Variants in STARD13 observed in about 807,000 individuals in gnomAD.
The protein encoded by STARD13 is stAR-related lipid transfer protein 13.
STARD13 carries 62 observed loss-of-function variants against 106.4 expected under a neutral mutation model. That is an observed-to-expected ratio of 0.58 (90% CI 0.48 to 0.72). The LOEUF is 0.72. STARD13 is among the 30% of genes least tolerant of loss of function. The pLI, the probability that STARD13 is intolerant of heterozygous loss-of-function variation, is 0.00. For synonymous variants in STARD13, 565 were observed against 553.0 expected (o/e 1.02, Z -0.31); for missense variants, 1,387 against 1,424.0 (o/e 0.97, Z 0.42).
At chr13:33,503,282 A>G in the STARD13 span, among the ~76,000 whole-genome samples, 1 of 151,400 alleles carries the variant, frequency 6.6e-6, no homozygotes, top group Non-Finnish European at 1.5e-5. Flanking sequence ...TTTCTTCTTT[A>G]TTAGTCTTGC....
the STARD13 span, among the ~76,000 whole-genome samples, chr13:33,411,617 T>A: frequency 6.6e-6 from 1 of 151,406 alleles, no homozygotes. Context: ...TAGAAAGAAG[T>A]AGGTTTATTT....
At chr13:33,586,454 T>C in the STARD13 span, among the ~76,000 whole-genome samples, 6 of 152,324 alleles carry the variant, frequency 3.9e-5, no homozygotes, top group Admixed American at 3.3e-4. Flanking sequence ...GTTGACATTC[T>C]TGATACATGG....
At chr13:33,290,194 C>G (rs988658281), upstream of STARD13, among the ~76,000 whole-genome samples, 1 of 152,180 alleles carries the variant, frequency 6.6e-6, no homozygotes, top group African/African-American at 2.4e-5. Context: ...CTCCTTCACA[C>G]ACATTCCAGC....
the STARD13 span, among the ~76,000 whole-genome samples, chr13:33,641,712 C>A: frequency 6.6e-6 from 1 of 152,140 alleles, no homozygotes; most frequent in Non-Finnish European, 1.5e-5. Flanking sequence ...TGTTTTCTCT[C>A]ATTTAATTTC....
the STARD13 span, among the ~76,000 whole-genome samples, chr13:33,631,146 A>G: frequency 6.6e-6 from 1 of 151,596 alleles, no homozygotes; most frequent in Non-Finnish European, 1.5e-5. Flanking sequence ...ATGAGCTTAC[A>G]ACAAGACTCA....
chr13:33,223,178 A>C (rs1888445375), intron 1 of STARD13, among the ~76,000 whole-genome samples: 1 of 152,202 alleles, frequency 6.6e-6, no homozygotes, highest in African/African-American at 2.4e-5. Flanking sequence ...GAGTCTGGAG[A>C]AAGATGTTAA....
rs1200898137 is a variant in STARD13, at chr13:33,106,851, C to A, written c.3131G>T (p.Gly1044Val). Reference protein sequence around the residue: ...VEHEEAQLLGGVRAVVMDSQY... With the variant: ...VEHEEAQLLGVVRAVVMDSQY... ...CGAGTCCATCACCACTGCTCGCACACCACCCAGGAGCTGGGCTTCCTCATG... is the reference window on the plus strand; with the variant it reads ...CGAGTCCATCACCACTGCTCGCACAACACCCAGGAGCTGGGCTTCCTCATG... The change falls in exon 13 of 14, where the codon GGT becomes GTT. Residue 1044 changes from glycine (G) to valine (V), a missense_variant. Physicochemically the swap from Gly to Val is moderately radical, Grantham distance 109 (BLOSUM62 -3). Coordinates refer to ENST00000336934, the MANE Select transcript of STARD13 (RefSeq NM_178006.4). The A allele has an allele frequency of 1.9e-6, 3 of 1,614,088 alleles. No individual in the cohort carries two copies. The highest frequency in any genetic ancestry group is 2.5e-6 in the Non-Finnish European group (3 of 1,180,032).
the STARD13 span, among the ~76,000 whole-genome samples, chr13:33,539,936 C>A: frequency 2.0e-5 from 3 of 152,180 alleles, no homozygotes; most frequent in Non-Finnish European, 2.9e-5. Flanking sequence ...ACAAAAAAGT[C>A]ATACGCATAG....
At chr13:33,247,420 G>A (rs1231606997) in intron 1 of STARD13, among the ~76,000 whole-genome samples, 3 of 151,986 alleles carry the variant, frequency 2.0e-5, no homozygotes, top group Admixed American at 6.6e-5. Flanking sequence ...AAGCAGACAC[G>A]AATTCAACAT....
At chr13:33,434,666 C>G in the STARD13 span, among the ~76,000 whole-genome samples, 1 of 151,938 alleles carries the variant, frequency 6.6e-6, no homozygotes, top group Non-Finnish European at 1.5e-5. Context: ...GCAAAGAGGG[C>G]CACAAAGCCA....
the STARD13 span, among the ~76,000 whole-genome samples, chr13:33,415,450 A>T: frequency 6.6e-6 from 1 of 152,226 alleles, no homozygotes; most frequent in African/African-American, 2.4e-5. Flanking sequence ...GAAATGATTA[A>T]CTTATAATTT....
chr13:33,301,575 T>TC (rs996780706), intron 1 of STARD13, among the ~76,000 whole-genome samples: 7 of 146,704 alleles, frequency 4.8e-5, no homozygotes, highest in African/African-American at 7.5e-5. Context: ...TTTCTTTTTT[T>TC]TTTTTTTTTT....
the STARD13 span, among the ~76,000 whole-genome samples, chr13:33,465,795 A>G: frequency 6.6e-6 from 1 of 152,310 alleles, no homozygotes; most frequent in African/African-American, 2.4e-5. Context: ...AAGGAAATAT[A>G]CCAGTCCATG....
At chr13:33,503,602 A>G in the STARD13 span, among the ~76,000 whole-genome samples, 1 of 152,206 alleles carries the variant, frequency 6.6e-6, no homozygotes, top group Non-Finnish European at 1.5e-5. Flanking sequence ...CATTGGTTTC[A>G]AAGAACATCT....
At chr13:33,349,137 T>C in exon 2 of STARD13, 3 of 702,362 alleles carry the variant, frequency 4.3e-6, no homozygotes, top group Admixed American at 2.0e-5. Context: ...GTCCTTTCCT[T>C]CTTTCTAGGC....
At chr13:33,617,781 G>A in the STARD13 span, among the ~76,000 whole-genome samples, 4 of 152,140 alleles carry the variant, frequency 2.6e-5, no homozygotes, top group East Asian at 1.9e-4. Context: ...GCTTTACCTC[G>A]AAGAGCCCCC....
At chr13:33,188,477 T>TAC (rs150151958) in intron 1 of STARD13, among the ~76,000 whole-genome samples, 9 of 152,074 alleles carry the variant, frequency 5.9e-5, no homozygotes, top group Admixed American at 5.9e-4. Context: ...GATCTGCTGC[T>TAC]ACACACACAC....
chr13:33,642,840 TAA>T, the STARD13 span, among the ~76,000 whole-genome samples: 9,959 of 106,584 alleles, frequency 0.093, 769 homozygotes, highest in East Asian at 0.24. Flanking sequence ...AAACAAACAT[TAA>T]AAAAAAAAAA....
intron 8 of STARD13, chr13:33,113,699 T>C: frequency 2.3e-6 from 1 of 433,228 alleles, no homozygotes; most frequent in Non-Finnish European, 4.6e-6. Flanking sequence ...TTATGGGGGA[T>C]GTCTGGCCCT....
Sources: allele counts gnomAD v4.1 joint callset (sites outside exome capture counted in the v4.1 genomes callset), GRCh38; gene constraint gnomAD v4.1.1; transcripts MANE v1.5; gene names NCBI Gene and HGNC (gene_info 2026-07-23, HGNC 2026-07-21).